BIRC6: variants seen among roughly 807,000 people sequenced by gnomAD.
BIRC6 encodes dual E2 ubiquitin-conjugating enzyme/E3 ubiquitin-protein ligase BIRC6.
BIRC6 carries 98 observed loss-of-function variants against 503.3 expected under a neutral mutation model. That is an observed-to-expected ratio of 0.19 (90% CI 0.17 to 0.23). BIRC6 has a LOEUF of 0.23. Among genes scored for constraint, BIRC6 ranks in the 10% least tolerant of loss-of-function variants. The pLI, the probability that BIRC6 is intolerant of heterozygous loss-of-function variation, is 1.00. For missense variants in BIRC6, 5,360 were observed against 5,806.0 expected (o/e 0.92, Z 2.50); for synonymous variants, 2,240 against 2,078.7 (o/e 1.08, Z -2.11).
intron 26 of BIRC6, among the ~76,000 whole-genome samples, chr2:32,466,316 A>T (rs1286611685): frequency 1.3e-5 from 2 of 152,188 alleles, no homozygotes; most frequent in Admixed American, 1.3e-4. Flanking sequence ...AATTGAACTT[A>T]TTCTTGTAAT....
At chr2:32,569,758 T>G (rs2059796866) in intron 65 of BIRC6, among the ~76,000 whole-genome samples, 1 of 152,126 alleles carries the variant, frequency 6.6e-6, no homozygotes. Flanking sequence ...TATAGAAACA[T>G]TACTGGTTTT....
At chr2:32,402,470 T>C (rs2040711114) in intron 8 of BIRC6, among the ~76,000 whole-genome samples, 1 of 152,262 alleles carries the variant, frequency 6.6e-6, no homozygotes, top group Admixed American at 6.5e-5. Context: ...TTTATCATTT[T>C]ACTTCACAAC....
chr2:32,370,805 A>G (rs1288788319), intron 1 of BIRC6, among the ~76,000 whole-genome samples: 1 of 152,138 alleles, frequency 6.6e-6, no homozygotes, highest in East Asian at 1.9e-4. Flanking sequence ...TGATCTTTGC[A>G]TATAGTACCT....
chr2:32,556,062 G>A (rs1281850346), intron 65 of BIRC6, among the ~76,000 whole-genome samples: 1 of 152,112 alleles, frequency 6.6e-6, no homozygotes, highest in Non-Finnish European at 1.5e-5. Flanking sequence ...TATGTTTAAT[G>A]TATTTATTTC....
intron 1 of BIRC6, among the ~76,000 whole-genome samples, chr2:32,374,882 G>T (rs191657403): frequency 6.6e-6 from 1 of 152,126 alleles, no homozygotes; most frequent in South Asian, 2.1e-4. Context: ...TGTATTATGG[G>T]TGTGAGCCAC....
At chr2:32,505,322 C>T in intron 50 of BIRC6, 117 bp downstream of exon 50, 1 of 806,702 alleles carries the variant, frequency 1.2e-6, no homozygotes. Context: ...GAGAGTGTAA[C>T]TTCTGAACAG....
chr2:32,441,241 G>T, intron 16 of BIRC6, 88 bp from the exon 17 acceptor site: 1 of 1,000,022 alleles, frequency 1.0e-6, no homozygotes, highest in East Asian at 2.7e-5. Flanking sequence ...CCACAATTCA[G>T]TTATTTTCCT....
chr2:32,382,873 A>G (rs2037885581), intron 3 of BIRC6, among the ~76,000 whole-genome samples: 1 of 149,180 alleles, frequency 6.7e-6, no homozygotes, highest in African/African-American at 2.5e-5. Context: ...ACAGATGTGC[A>G]CCACCATGCC....
At chr2:32,537,825 G>A (rs2057355422) in intron 61 of BIRC6, among the ~76,000 whole-genome samples, 1 of 152,020 alleles carries the variant, frequency 6.6e-6, no homozygotes, top group Non-Finnish European at 1.5e-5. Context: ...AATTAGCCGG[G>A]CGGGGTGGCA....
At chr2:32,450,761 T>C (rs2046621803) in intron 22 of BIRC6, among the ~76,000 whole-genome samples, 1 of 152,158 alleles carries the variant, frequency 6.6e-6, no homozygotes, top group Non-Finnish European at 1.5e-5. Flanking sequence ...TGAAAAATGA[T>C]GTAGTGCAGT....
chr2:32,539,828 CAA>C (rs944672567), intron 61 of BIRC6, among the ~76,000 whole-genome samples: 1 of 151,720 alleles, frequency 6.6e-6, no homozygotes. Flanking sequence ...AAATATAAAA[CAA>C]AAAAATCAAA....
At chr2:32,500,606 G>GTTTTTTTTTTTTTT (rs758919928) in intron 46 of BIRC6, among the ~76,000 whole-genome samples, 2 of 118,292 alleles carry the variant, frequency 1.7e-5, no homozygotes, top group Non-Finnish European at 3.4e-5. Flanking sequence ...TTTTGTTTTT[G>GTTTTTTTTTTTTTT]TTTTTTTTTT....
At chr2:32,430,805 C>CTTTTTT (rs370529825) in intron 11 of BIRC6, 60 bp from the exon 12 acceptor site, 39 of 484,790 alleles carry the variant, frequency 8.0e-5, no homozygotes, top group East Asian at 3.2e-4. Context: ...TCATTGTCTT[C>CTTTTTT]TTTTTTTTTT....
intron 66 of BIRC6, among the ~76,000 whole-genome samples, chr2:32,581,559 G>A (rs371628976): frequency 2.6e-5 from 4 of 152,022 alleles, no homozygotes; most frequent in African/African-American, 9.7e-5. Flanking sequence ...CTTTTAAAGA[G>A]GAAACTTCAA....
intron 1 of BIRC6, among the ~76,000 whole-genome samples, chr2:32,368,033 TAGG>T (rs1320074222): frequency 6.6e-6 from 1 of 152,162 alleles, no homozygotes; most frequent in Non-Finnish European, 1.5e-5. Flanking sequence ...ATTTATGAAG[TAGG>T]AGAGACAGAA....
chr2:32,407,684 T>G (rs1267092381), intron 9 of BIRC6, among the ~76,000 whole-genome samples: 1 of 152,092 alleles, frequency 6.6e-6, no homozygotes, highest in Non-Finnish European at 1.5e-5. Context: ...CTTTAAATTT[T>G]ATCATCAGAT....
rs1372213279 is a variant in BIRC6 at position 32,618,462 on chromosome 2, G to C, written c.*558G>C. The stretch of plus-strand genomic sequence containing the variant: ...GGTACATTTTTAAAATAATAAATCT[G>C]CCATAAAATGCATTATATCTGGAGA... On this transcript the variant is annotated 3_prime_UTR_variant, in exon 74 of 74. Coordinates refer to ENST00000421745, the MANE Select transcript of BIRC6 (RefSeq NM_016252.4). 1 of 152,210 alleles carries C rather than the reference G, an allele frequency of 6.6e-6. No homozygotes were observed. Among genetic ancestry groups the C allele is most frequent in the Non-Finnish European group, 1.5e-5 (1 of 68,004 alleles). The allele number at this position is 152,210 out of a possible 1,614,324, so 9.4% of individuals were successfully genotyped here. A position where few individuals can be genotyped will look rare whatever the true frequency, so the allele number is the denominator to read the frequency against.
intron 71 of BIRC6, among the ~76,000 whole-genome samples, chr2:32,604,686 A>C (rs1485101006): frequency 6.6e-6 from 1 of 151,926 alleles, no homozygotes; most frequent in African/African-American, 2.4e-5. Context: ...CTCAGATGTA[A>C]TTTTTTGTTC....
intron 10 of BIRC6, among the ~76,000 whole-genome samples, chr2:32,421,916 G>T (rs1183824810): frequency 6.6e-6 from 1 of 152,154 alleles, no homozygotes; most frequent in African/African-American, 2.4e-5. Context: ...AATTTTGAGA[G>T]CAAGTATTGA....
Sources: allele counts gnomAD v4.1 joint callset (sites outside exome capture counted in the v4.1 genomes callset), GRCh38; gene constraint gnomAD v4.1.1; transcripts MANE v1.5; gene names NCBI Gene and HGNC (gene_info 2026-07-23, HGNC 2026-07-21).